AP2A2: variants seen among roughly 807,000 people sequenced by gnomAD.
AP2A2 encodes adaptor related protein complex 2 subunit alpha 2.
In AP2A2, 32 loss-of-function variants were observed where a neutral mutation model predicts 104.2. That is an observed-to-expected ratio of 0.31 (90% CI 0.23 to 0.41). The LOEUF (loss-of-function observed/expected upper bound fraction) is 0.41, where lower values mean the gene tolerates loss of function less well. Ranked by LOEUF, AP2A2 falls within the 10% of genes least tolerant of loss-of-function variation. The probability of loss-of-function intolerance (pLI) is 1.00; values close to 1 mark genes in which losing one functional copy is unlikely to be tolerated. For synonymous variants in AP2A2, 539 were observed against 533.3 expected, an observed-to-expected ratio of 1.01 and a Z score of -0.15; for missense variants, 912 against 1,261.0, an observed-to-expected ratio of 0.72 and a Z score of 4.19.
chr11:1,010,457 A>G (rs2133799539), intron 21 of AP2A2, 91 bp from the exon 22 acceptor site: 1 of 1,048,208 alleles, frequency 9.5e-7, no homozygotes, highest in Non-Finnish European at 1.4e-6. Flanking sequence ...GTCCCTGGGC[A>G]TGGCCCACAG....
At chr11:1,006,793 C>T (rs1856223104) in intron 17 of AP2A2, 176 bp downstream of exon 17, 2 of 587,318 alleles carry the variant, frequency 3.4e-6, no homozygotes, top group Non-Finnish European at 3.0e-6. Flanking sequence ...AGAAGGAAAA[C>T]AGGCAGTCTT....
chr11:985,445 G>A lies in AP2A2; in HGVS notation c.825G>A (p.Val275=), dbSNP rs1855418539. The A allele has an allele frequency of 6.2e-7, 1 of 1,613,904 alleles. No individual in the cohort carries two copies. The highest frequency in any genetic ancestry group is 1.3e-5 in the African/African-American group (1 of 75,048). The change falls in exon 8 of 22, where the codon GTG becomes GTA. Residue 275 remains valine (V), a synonymous_variant. Coordinates refer to ENST00000448903, the MANE Select transcript of AP2A2 (RefSeq NM_012305.4). ...LQCYPPPDPA[V]RGRLTECLET... is the part of the protein sequence containing the mutation. ...TGTCTTGCCCAGAAGACCCTGCAGT[G>A]CGAGGCCGCCTGACTGAGTGCCTGG...
chr11:984,694 T>G lies in AP2A2; in HGVS notation c.755T>G (p.Val252Gly). 6.2e-7 allele frequency: 1 copy of G among 1,613,740 alleles called. No individual in the cohort carries two copies. ...TDLQDYTYYF[V>G]PAPWLSVKLL... The stretch of plus-strand genomic sequence containing the variant: ...CTCCAGGATTACACTTACTATTTTG[T>G]CCCGGCTCCCTGGCTGTCTGTCAAA... The change falls in exon 7 of 22, where the codon GTC becomes GGC. Residue 252 changes from valine to glycine, a missense_variant. Coordinates refer to ENST00000448903, the MANE Select transcript of AP2A2 (RefSeq NM_012305.4).
intron 1 of AP2A2, chr11:946,577 T>C (rs12223027): frequency 0.58 from 88,553 of 151,640 alleles, 26,631 homozygotes; most frequent in Middle Eastern, 0.73. Flanking sequence ...TCGAGACCAG[T>C]CTGGCCAACA....
At chr11:935,280 A>G (rs897954339) in intron 1 of AP2A2, among the ~76,000 whole-genome samples, 1 of 152,002 alleles carries the variant, frequency 6.6e-6, no homozygotes, top group Non-Finnish European at 1.5e-5. Flanking sequence ...AATGGTCTTG[A>G]TCTCTTGACC....
chr11:1,003,681 G>T, intron 15 of AP2A2, 41 bp from the exon 16 acceptor site: 1 of 1,359,262 alleles, frequency 7.4e-7, no homozygotes, highest in East Asian at 2.5e-5. Flanking sequence ...GTTTTCTGCA[G>T]GTGGCTTTGA....
intron 1 of AP2A2, among the ~76,000 whole-genome samples, chr11:938,210 T>G (rs1853526811): frequency 6.6e-6 from 1 of 152,182 alleles, no homozygotes; most frequent in Non-Finnish European, 1.5e-5. Context: ...AAGGCCAGCC[T>G]TTCCTTACAG....
intron 14 of AP2A2, among the ~76,000 whole-genome samples, chr11:995,050 G>A (rs1855807179): frequency 6.6e-6 from 1 of 152,164 alleles, no homozygotes; most frequent in Admixed American, 6.5e-5. Flanking sequence ...CCTCTCCCGG[G>A]GGCCACTGTG....
intron 1 of AP2A2, among the ~76,000 whole-genome samples, chr11:929,136 G>A (rs1589936814): frequency 6.6e-6 from 1 of 152,324 alleles, no homozygotes; most frequent in Non-Finnish European, 1.5e-5. Context: ...AATGTTGGCT[G>A]GTGCCTGGAG....
intron 14 of AP2A2, among the ~76,000 whole-genome samples, chr11:994,667 C>T (rs1380614132): frequency 5.8e-5 from 8 of 138,826 alleles, no homozygotes; most frequent in African/African-American, 1.9e-4. Flanking sequence ...GGATGCCCCC[C>T]TGGCCTGTCC....
intron 5 of AP2A2, among the ~76,000 whole-genome samples, chr11:977,924 A>T (rs892954131): frequency 3.3e-5 from 5 of 152,014 alleles, no homozygotes; most frequent in Non-Finnish European, 4.4e-5. Context: ...CCACTTTCCC[A>T]TGTTGCCGTG....
At chr11:927,333 G>C (rs1022861427) in intron 1 of AP2A2, among the ~76,000 whole-genome samples, 1 of 152,106 alleles carries the variant, frequency 6.6e-6, no homozygotes, top group African/African-American at 2.4e-5. Context: ...CCAAAGTCCT[G>C]GGGTTACTGG....
intron 1 of AP2A2, among the ~76,000 whole-genome samples, chr11:952,130 A>G (rs1854073849): frequency 6.6e-6 from 1 of 152,222 alleles, no homozygotes; most frequent in Non-Finnish European, 1.5e-5. Flanking sequence ...TCAGCCTCCC[A>G]AGGTGCTGGG....
intron 1 of AP2A2, among the ~76,000 whole-genome samples, chr11:938,171 G>A (rs1262809322): frequency 6.6e-6 from 1 of 152,174 alleles, no homozygotes; most frequent in African/African-American, 2.4e-5. Flanking sequence ...TCTCACCTGG[G>A]TCGCCTGTGT....
rs1207215366 is a variant in AP2A2, at chr11:1,000,502, C to G, written c.2027C>G (p.Pro676Arg). The change falls in exon 15 of 22, where the codon CCC (proline) becomes CGC (arginine). Residue 676 changes from proline (P) to arginine (R), a missense_variant. Coordinates refer to ENST00000448903, the MANE Select transcript of AP2A2 (RefSeq NM_012305.4). ...AAPPAPAGPPPSSGGSGLLVD... is the reference protein window; with the variant it reads ...AAPPAPAGPPRSSGGSGLLVD... The stretch of plus-strand genomic sequence containing the variant: ...CCCCCTGCCCCCGCGGGCCCCCCAC[C>G]CTCCTCCGGCGGCAGCGGGCTGCTC... 1.0e-5 allele frequency: 16 copies of G among 1,540,206 alleles called. No individual in the cohort carries two copies. Among genetic ancestry groups the G allele is most frequent in the Non-Finnish European group, 1.4e-5 (16 of 1,147,616 alleles).
Position 1,009,090 on chromosome 11 carries a change from C to G in AP2A2, c.2421-10C>G. On this transcript the variant is annotated splice_polypyrimidine_tract_variant and intron_variant, in intron 18 of 21. Coordinates refer to ENST00000448903, the MANE Select transcript of AP2A2 (RefSeq NM_012305.4). Reference sequence around the variant, plus strand: ...TGACTGTCTCTTTCTGCTGCTGCTGCTGCTGGCAGGTATGGGGGCACCTTC... The same window carrying G: ...TGACTGTCTCTTTCTGCTGCTGCTGGTGCTGGCAGGTATGGGGGCACCTTC... The G allele has an allele frequency of 6.2e-7, 1 of 1,605,058 alleles. No homozygotes were observed. Among genetic ancestry groups the G allele is most frequent in the Middle Eastern group, 1.8e-4 (1 of 5,532 alleles).
At chr11:949,781 G>GAA (rs59282675) in intron 1 of AP2A2, among the ~76,000 whole-genome samples, 257 of 141,436 alleles carry the variant, frequency 1.8e-3, no homozygotes, top group Middle Eastern at 7.2e-3. Context: ...TCTCAAAAAA[G>GAA]AAAAAAAAAA....
chr11:957,445 G>T (rs1854275195), intron 1 of AP2A2, among the ~76,000 whole-genome samples: 1 of 152,246 alleles, frequency 6.6e-6, no homozygotes, highest in Non-Finnish European at 1.5e-5. Context: ...TTCCCCCGGG[G>T]TGTGGGGCAG....
intron 1 of AP2A2, among the ~76,000 whole-genome samples, chr11:945,399 T>A (rs1853799262): frequency 6.6e-6 from 1 of 152,166 alleles, no homozygotes; most frequent in Non-Finnish European, 1.5e-5. Flanking sequence ...AGTGGTATGA[T>A]CTCAGCTCAC....
Sources: allele counts gnomAD v4.1 joint callset (sites outside exome capture counted in the v4.1 genomes callset), GRCh38; gene constraint gnomAD v4.1.1; transcripts MANE v1.5; gene names NCBI Gene and HGNC (gene_info 2026-07-23, HGNC 2026-07-21).